POC1A: variants seen among roughly 807,000 people sequenced by gnomAD.
POC1A encodes the protein POC1 centriolar protein A, also known as POC1 centriolar protein homolog A.
Under a neutral mutation model 47.8 loss-of-function variants are expected in POC1A, and 34 were observed. That is an observed-to-expected ratio of 0.71 (90% CI 0.54 to 0.95). POC1A has a LOEUF of 0.95. Ranked by LOEUF, POC1A falls within the 40% of genes least tolerant of loss-of-function variation. POC1A has a pLI of 0.00. For synonymous variants in POC1A, 177 were observed against 207.6 expected (o/e 0.85, Z 1.27); for missense variants, 466 against 528.3 (o/e 0.88, Z 1.16).
chr3:52,109,430 A>T (rs915878569), intron 9 of POC1A, among the ~76,000 whole-genome samples: 1 of 152,116 alleles, frequency 6.6e-6, no homozygotes, highest in African/African-American at 2.4e-5. Flanking sequence ...CTTTTGTGCT[A>T]GCTTGAAATT....
intron 2 of POC1A, 57 bp from the exon 3 acceptor site, chr3:52,150,044 C>T (rs1373460656): frequency 6.7e-7 from 1 of 1,482,646 alleles, no homozygotes; most frequent in African/African-American, 1.4e-5. Flanking sequence ...AAGCCTCCAC[C>T]AAGACATTGG....
At chr3:52,106,247 TAACCTCCAAAACCAAA>T (rs1703182000) in intron 9 of POC1A, among the ~76,000 whole-genome samples, 1 of 147,886 alleles carries the variant, frequency 6.8e-6, no homozygotes, top group South Asian at 2.1e-4. Flanking sequence ...GTCCACACGG[TAACCTCCAAAACCAAA>T]TCAAATGCTC....
At chr3:52,135,115 T>A (rs1704395558) in intron 7 of POC1A, among the ~76,000 whole-genome samples, 1 of 152,212 alleles carries the variant, frequency 6.6e-6, no homozygotes, top group African/African-American at 2.4e-5. Context: ...AGCCCCTTTG[T>A]CAGCAGGCCC....
rs963566365 is a variant in POC1A, at chr3:52,149,817, C to T, written c.274G>A (p.Val92Ile). Residue 92 changes from valine (V) to isoleucine (I), a missense_variant and splice_region_variant, in exon 3 of 11, where the codon GTC becomes ATC. By Grantham distance (29) the Val-to-Ile change is conservative. Transcript: ENST00000296484. The stretch of plus-strand genomic sequence containing the variant: ...GCCTCCTCAAAGTGTACGACTCACA[C>T]ATTGGGTACCCAGATGCGGACAGTC... ...DKTVRIWVPNVKGESTVFRAH... is the reference protein window; with the variant it reads ...DKTVRIWVPNIKGESTVFRAH... 4.3e-6 allele frequency: 7 copies of T among 1,612,744 alleles called. No individual in the cohort carries two copies. Among genetic ancestry groups the T allele is most frequent in the Middle Eastern group, 1.6e-4 (1 of 6,076 alleles).
At chr3:52,125,537 C>G (rs1703964428) in intron 7 of POC1A, among the ~76,000 whole-genome samples, 1 of 152,124 alleles carries the variant, frequency 6.6e-6, no homozygotes, top group South Asian at 2.1e-4. Context: ...ACTGAGTCAC[C>G]CCAGCCACAG....
intron 7 of POC1A, among the ~76,000 whole-genome samples, chr3:52,129,572 C>T (rs575868966): frequency 7.9e-5 from 12 of 152,166 alleles, no homozygotes; most frequent in Admixed American, 3.3e-4. Flanking sequence ...GTGTGGATGC[C>T]GGCCTGCCCC....
At chr3:52,117,492 C>T (rs1461060609) in intron 9 of POC1A, among the ~76,000 whole-genome samples, 3 of 152,194 alleles carry the variant, frequency 2.0e-5, no homozygotes, top group African/African-American at 7.2e-5. Flanking sequence ...TGGCCACTTT[C>T]CTAGGACCAC....
intron 9 of POC1A, among the ~76,000 whole-genome samples, chr3:52,103,815 C>A (rs944659186): frequency 2.0e-5 from 3 of 151,598 alleles, no homozygotes; most frequent in Admixed American, 1.3e-4. Context: ...ATTAGAATAG[C>A]CTAAAGGTAA....
At chr3:52,103,062 G>A (rs1326760259) in intron 9 of POC1A, among the ~76,000 whole-genome samples, 2 of 152,216 alleles carry the variant, frequency 1.3e-5, no homozygotes, top group African/African-American at 4.8e-5. Context: ...CCAGTATCCG[G>A]CCAGTTAATT....
chr3:52,076,561 G>A (rs755861536), intron 10 of POC1A, among the ~76,000 whole-genome samples: 2 of 152,204 alleles, frequency 1.3e-5, no homozygotes, highest in Non-Finnish European at 2.9e-5. Flanking sequence ...CAAGTCCAAC[G>A]AATACTACTA....
intron 6 of POC1A, among the ~76,000 whole-genome samples, chr3:52,141,435 C>T (rs775685735): frequency 1.3e-5 from 2 of 152,240 alleles, no homozygotes; most frequent in Admixed American, 6.5e-5. Flanking sequence ...TCTTGCGATG[C>T]GCAACTGATG....
chr3:52,149,745 G>A (rs1009416316), intron 3 of POC1A, 71 bp downstream of exon 3: 6 of 1,458,472 alleles, frequency 4.1e-6, no homozygotes, highest in African/African-American at 1.4e-5. Context: ...CAAGCTAGGG[G>A]ACCTGGGTGG....
chr3:52,105,732 C>G (rs1703154663), intron 9 of POC1A, among the ~76,000 whole-genome samples: 1 of 152,214 alleles, frequency 6.6e-6, no homozygotes, highest in South Asian at 2.1e-4. Context: ...TTCTGCTTTC[C>G]TAAAACCATC....
intron 9 of POC1A, among the ~76,000 whole-genome samples, chr3:52,101,090 C>CAAAAAAAAAAA (rs146285042): frequency 1.8e-5 from 1 of 56,958 alleles, no homozygotes; most frequent in Admixed American, 2.1e-4. Flanking sequence ...CAACCCTCAG[C>CAAAAAAAAAAA]AAAAAAAAAA....
chr3:52,131,373 G>A (rs1704204930), intron 7 of POC1A, among the ~76,000 whole-genome samples: 1 of 152,150 alleles, frequency 6.6e-6, no homozygotes, highest in Non-Finnish European at 1.5e-5. Flanking sequence ...ATGAGGGGGT[G>A]AGATGGGATC....
chr3:52,085,545 C>T (rs567788519), intron 10 of POC1A, among the ~76,000 whole-genome samples: 215 of 152,340 alleles, frequency 1.4e-3, no homozygotes, highest in Non-Finnish European at 2.6e-3. Flanking sequence ...GAGGCCCGCC[C>T]ACTCTCCTAC....
chr3:52,103,153 C>CA (rs1336500226), intron 9 of POC1A, among the ~76,000 whole-genome samples: 1 of 152,124 alleles, frequency 6.6e-6, no homozygotes, highest in Non-Finnish European at 1.5e-5. Context: ...TATCCACATG[C>CA]AAAAAAATGA....
intron 9 of POC1A, among the ~76,000 whole-genome samples, chr3:52,115,041 G>A (rs1219434894): frequency 2.6e-5 from 4 of 152,212 alleles, no homozygotes; most frequent in African/African-American, 4.8e-5. Context: ...TTGAGGCGTC[G>A]GGGGTTTGGG....
At chr3:52,087,823 C>T (rs1156337726) in intron 10 of POC1A, among the ~76,000 whole-genome samples, 1 of 152,206 alleles carries the variant, frequency 6.6e-6, no homozygotes, top group Non-Finnish European at 1.5e-5. Flanking sequence ...GCCACAGCCC[C>T]ACTGACACTG....
Sources: gnomAD v4.1 joint callset for allele counts (sites outside exome capture counted in the v4.1 genomes callset) on GRCh38, gnomAD v4.1.1 for gene constraint, MANE v1.5 for transcripts, NCBI Gene and HGNC (gene_info 2026-07-23, HGNC 2026-07-21) for gene names.